The following LMNTD1 variants were observed in gnomAD, a reference collection of about 807,000 sequenced individuals.
The protein encoded by LMNTD1 is lamin tail domain containing 1.
LMNTD1 carries 35 observed loss-of-function variants against 50.9 expected under a neutral mutation model. That is an observed-to-expected ratio of 0.69 (90% CI 0.53 to 0.91). The LOEUF (loss-of-function observed/expected upper bound fraction) is 0.91, where lower values mean the gene tolerates loss of function less well. Ranked by LOEUF, LMNTD1 falls within the 40% of genes least tolerant of loss-of-function variation. The probability of loss-of-function intolerance (pLI) is 0.00; values close to 1 mark genes in which losing one functional copy is unlikely to be tolerated. For missense variants in LMNTD1, 470 were observed against 475.5 expected, an observed-to-expected ratio of 0.99 and a Z score of 0.11; for synonymous variants, 153 against 161.9, an observed-to-expected ratio of 0.94 and a Z score of 0.42.
At chr12:25,551,059 C>T (rs1943716611) in intron 2 of LMNTD1, among the ~76,000 whole-genome samples, 2 of 152,200 alleles carry the variant, frequency 1.3e-5, no homozygotes, top group Non-Finnish European at 2.9e-5. Context: ...TGTCAGATTA[C>T]AGATATTTCA....
chr12:25,618,661 G>T (rs1370931821), intron 1 of LMNTD1, among the ~76,000 whole-genome samples: 1 of 152,084 alleles, frequency 6.6e-6, no homozygotes, highest in Non-Finnish European at 1.5e-5. Flanking sequence ...AGAAGCCAAG[G>T]TTGAACAGAA....
chr12:25,480,452 T>C (rs1199093367), intron 9 of LMNTD1, among the ~76,000 whole-genome samples: 2 of 152,050 alleles, frequency 1.3e-5, no homozygotes, highest in Admixed American at 6.6e-5. Context: ...ATAGCAGAAA[T>C]AATGTAGTAG....
intron 1 of LMNTD1, among the ~76,000 whole-genome samples, chr12:25,583,088 C>T (rs540878551): frequency 6.6e-6 from 1 of 150,720 alleles, no homozygotes; most frequent in African/African-American, 2.4e-5. Flanking sequence ...ATCTCGGTAT[C>T]TTGGCTCACT....
In LMNTD1 at chr12:25,527,679, T is replaced by TACACACAC. The variant is rs1480202150; in HGVS notation, c.492-725_492-724insGTGTGTGT. On this transcript the variant is annotated intron_variant, in intron 4 of 9. Coordinates refer to ENST00000458174, the MANE Select transcript of LMNTD1 (RefSeq NM_001145728.2). Reference sequence around the variant, plus strand: ...ATATATATATATATATATATATATATATACACACACACACACACACACACA... The same window carrying TACACACAC: ...ATATATATATATATATATATATATATACACACACATACACACACACACACACACACACA... 1.0e-3 allele frequency among the ~76,000 whole-genome samples: 20 copies of TACACACAC among 19,258 alleles called. No individual in the cohort carries two copies. In the East Asian group the frequency reaches 0.022, roughly 21 times the overall value. The allele number at this position is 19,258 out of a possible 152,430, so 12.6% of individuals were successfully genotyped here.
intron 1 of LMNTD1, among the ~76,000 whole-genome samples, chr12:25,626,339 T>C (rs1484200562): frequency 8.0e-5 from 12 of 149,826 alleles, no homozygotes; most frequent in Non-Finnish European, 4.4e-5. Context: ...TGTATATATA[T>C]ATACACACAC....
intron 1 of LMNTD1, among the ~76,000 whole-genome samples, chr12:25,625,124 C>T (rs746485451): frequency 1.3e-5 from 2 of 152,160 alleles, no homozygotes; most frequent in African/African-American, 4.8e-5. Context: ...AGGTCCTTTT[C>T]GTTTTCACCT....
At chr12:25,601,398 G>A (rs1945970167) in intron 1 of LMNTD1, among the ~76,000 whole-genome samples, 1 of 151,320 alleles carries the variant, frequency 6.6e-6, no homozygotes. Context: ...AGTATTTGAA[G>A]GCACAATGGG....
chr12:25,543,973 A>G (rs1306487759), intron 4 of LMNTD1, among the ~76,000 whole-genome samples: 1 of 151,734 alleles, frequency 6.6e-6, no homozygotes, highest in Admixed American at 6.6e-5. Context: ...TACTTTTTTG[A>G]TATTTGTTTT....
At chr12:25,634,760 C>T (rs1216413642) in intron 1 of LMNTD1, among the ~76,000 whole-genome samples, 2 of 152,042 alleles carry the variant, frequency 1.3e-5, no homozygotes, top group Admixed American at 1.3e-4. Flanking sequence ...ACAAGGATGC[C>T]CACTCTCACC....
chr12:25,560,486 A>T (rs945699244), intron 1 of LMNTD1, among the ~76,000 whole-genome samples: 9 of 152,190 alleles, frequency 5.9e-5, no homozygotes, highest in African/African-American at 2.2e-4. Context: ...TGATGCCTCC[A>T]GCTTTGCTTT....
At chr12:25,555,728 A>G (rs1185816614), upstream of LMNTD1, among the ~76,000 whole-genome samples, 1 of 152,222 alleles carries the variant, frequency 6.6e-6, no homozygotes, top group Non-Finnish European at 1.5e-5. Context: ...AAGTTGGGCC[A>G]TGACTTGTAA....
At chr12:25,630,090 G>A (rs1592121145) in intron 1 of LMNTD1, among the ~76,000 whole-genome samples, 4 of 152,300 alleles carry the variant, frequency 2.6e-5, no homozygotes, top group Admixed American at 2.0e-4. Flanking sequence ...AGGAGAAAAT[G>A]AGGAGTGGTT....
intron 2 of LMNTD1, among the ~76,000 whole-genome samples, chr12:25,552,581 G>GAACAAAAA (rs1943826091): frequency 1.7e-5 from 1 of 58,154 alleles, no homozygotes; most frequent in African/African-American, 5.7e-5. Flanking sequence ...CACTCTGTCT[G>GAACAAAAA]AAAAAAAAAA....
At chr12:25,572,403 A>C (rs16929064) in intron 1 of LMNTD1, among the ~76,000 whole-genome samples, 9,816 of 152,248 alleles carry the variant, frequency 0.064, 426 homozygotes, top group South Asian at 0.13. Context: ...GGCATACAAG[A>C]ATGTTTTTAT....
chr12:25,555,332 G>A (rs1269255021), upstream of LMNTD1, among the ~76,000 whole-genome samples: 6 of 152,092 alleles, frequency 3.9e-5, no homozygotes, highest in Non-Finnish European at 8.8e-5. Context: ...AATAACAGTA[G>A]CAATAATACC....
chr12:25,551,898 C>T (rs1259234220), intron 2 of LMNTD1, among the ~76,000 whole-genome samples: 1 of 152,168 alleles, frequency 6.6e-6, no homozygotes. Context: ...TATCTCACTC[C>T]CTCCGTAATT....
At chr12:25,596,689 G>A (rs1023941724) in intron 1 of LMNTD1, among the ~76,000 whole-genome samples, 31 of 151,928 alleles carry the variant, frequency 2.0e-4, no homozygotes, top group African/African-American at 7.2e-4. Flanking sequence ...GAAAGAAAAA[G>A]GATTTTGATG....
chr12:25,477,450 G>A (rs1042139655), intron 9 of LMNTD1, among the ~76,000 whole-genome samples: 2 of 152,112 alleles, frequency 1.3e-5, no homozygotes, highest in Admixed American at 6.5e-5. Flanking sequence ...TCCCCTGAGA[G>A]AAAGGAGAGG....
intron 1 of LMNTD1, among the ~76,000 whole-genome samples, chr12:25,604,154 A>G (rs1946043157): frequency 6.6e-6 from 1 of 152,144 alleles, no homozygotes; most frequent in Admixed American, 6.6e-5. Flanking sequence ...ACCTGCCCCA[A>G]CTTTGTTTAG....
Sources: gnomAD v4.1 joint callset for allele counts (sites outside exome capture counted in the v4.1 genomes callset) on GRCh38, gnomAD v4.1.1 for gene constraint, MANE v1.5 for transcripts, NCBI Gene and HGNC (gene_info 2026-07-23, HGNC 2026-07-21) for gene names.